APPBP2: variants seen among roughly 807,000 people sequenced by gnomAD.
APPBP2 encodes amyloid beta precursor protein binding protein 2.
In APPBP2, 15 loss-of-function variants were observed where a neutral mutation model predicts 76.0. That is an observed-to-expected ratio of 0.20 (90% confidence interval 0.13 to 0.30). The LOEUF (loss-of-function observed/expected upper bound fraction) is 0.30. Ranked by LOEUF, APPBP2 falls within the 10% of genes least tolerant of loss-of-function variation. The pLI, the probability that APPBP2 is intolerant of heterozygous loss-of-function variation, is 1.00. For missense variants in APPBP2, 401 were observed against 687.2 expected (o/e 0.58, Z 4.66); for synonymous variants, 222 against 242.2 (o/e 0.92, Z 0.77).
At chr17:60,458,826 G>A (rs1423156493) in intron 9 of APPBP2, among the ~76,000 whole-genome samples, 1 of 150,882 alleles carries the variant, frequency 6.6e-6, no homozygotes, top group Non-Finnish European at 1.5e-5. Flanking sequence ...CCACGCTGGA[G>A]TGCAGTGGTG....
At chr17:60,495,188 A>C (rs1419985498) in intron 2 of APPBP2, among the ~76,000 whole-genome samples, 1 of 151,586 alleles carries the variant, frequency 6.6e-6, no homozygotes, top group African/African-American at 2.4e-5. Flanking sequence ...GGGTCTCACC[A>C]TGTTAGCCGG....
intron 6 of APPBP2, among the ~76,000 whole-genome samples, chr17:60,463,052 A>C (rs1158489636): frequency 6.6e-6 from 1 of 152,124 alleles, no homozygotes; most frequent in Admixed American, 6.5e-5. Flanking sequence ...TAAAAACGTA[A>C]GAATATCCCT....
At chr17:60,507,222 TTTTC>T (rs1257050113) in intron 1 of APPBP2, among the ~76,000 whole-genome samples, 1 of 131,422 alleles carries the variant, frequency 7.6e-6, no homozygotes, top group Non-Finnish European at 1.5e-5. Flanking sequence ...TATTTTTCTT[TTTTC>T]TTTTTTTTTT....
chr17:60,484,904 T>C (rs912271862), intron 3 of APPBP2, among the ~76,000 whole-genome samples: 8 of 152,198 alleles, frequency 5.3e-5, no homozygotes, highest in African/African-American at 1.9e-4. Context: ...ATTCCATAAA[T>C]ACCTAATTTA....
intron 1 of APPBP2, among the ~76,000 whole-genome samples, chr17:60,512,265 G>A (rs2090920206): frequency 6.6e-6 from 1 of 151,774 alleles, no homozygotes; most frequent in Non-Finnish European, 1.5e-5. Context: ...ACCACGCCCA[G>A]CTAATTTTTT....
chr17:60,474,827 A>G (rs1475767377), intron 4 of APPBP2, among the ~76,000 whole-genome samples: 2 of 152,128 alleles, frequency 1.3e-5, no homozygotes, highest in Non-Finnish European at 2.9e-5. Flanking sequence ...TGTGAGACAT[A>G]TATTACAATA....
Position 60,446,357 on chromosome 17 carries a change from A to G in APPBP2, c.*1224T>C, listed in dbSNP as rs994402016. The G allele has an allele frequency of 6.6e-6, 1 of 152,462 alleles. No individual in the cohort carries two copies. Among genetic ancestry groups the G allele is most frequent in the African/African-American group, 2.4e-5 (1 of 41,470 alleles). 9.4% of individuals were successfully genotyped at this position (152,462 alleles called of 1,614,324 possible). Reference sequence around the variant, plus strand: ...TCAAATCAAAACCCAATAAACAGAAAGACAAGTTAGTGAAATAGGTGTATT... The same window carrying G: ...TCAAATCAAAACCCAATAAACAGAAGGACAAGTTAGTGAAATAGGTGTATT... On this transcript the variant is annotated 3_prime_UTR_variant, in exon 13 of 13. Transcript: ENST00000083182.
At chr17:60,495,540 T>C (rs1015711773) in intron 2 of APPBP2, among the ~76,000 whole-genome samples, 4 of 151,930 alleles carry the variant, frequency 2.6e-5, no homozygotes, top group African/African-American at 7.2e-5. Context: ...GGCATGATCA[T>C]AGCTCACTGT....
chr17:60,513,997 T>TAAAAAAAAA (rs35785295), intron 1 of APPBP2, among the ~76,000 whole-genome samples: 1 of 108,576 alleles, frequency 9.2e-6, no homozygotes. Context: ...TTCCCCACAT[T>TAAAAAAAAA]AAAAAAAAAA....
At chr17:60,472,154 GAAACAA>G (rs368204527) in intron 4 of APPBP2, among the ~76,000 whole-genome samples, 2,374 of 152,062 alleles carry the variant, frequency 0.016, 64 homozygotes, top group African/African-American at 0.053. Context: ...AATGAAAATG[GAAACAA>G]AAACAAAAAC....
intron 1 of APPBP2, among the ~76,000 whole-genome samples, chr17:60,518,601 G>A (rs1401837640): frequency 6.6e-6 from 1 of 151,900 alleles, no homozygotes; most frequent in Non-Finnish European, 1.5e-5. Context: ...CTGCAGCCTT[G>A]AATCTCCCAG....
chr17:60,474,810 A>G (rs2090577552), intron 4 of APPBP2, among the ~76,000 whole-genome samples: 1 of 152,064 alleles, frequency 6.6e-6, no homozygotes, highest in South Asian at 2.1e-4. Flanking sequence ...TTCCTACTCC[A>G]TTTACATGTG....
chr17:60,462,012 T>C lies in APPBP2; in HGVS notation c.812A>G (p.His271Arg). Residue 271 changes from histidine (H) to arginine (R), a missense_variant, in exon 7 of 13, where the codon CAT becomes CGT. Coordinates refer to ENST00000083182, the MANE Select transcript of APPBP2 (RefSeq NM_006380.5). ...CACCTACCGTGCCAAATACACTGCA[T>C]GTTTAATTAACTGTTCTGCCTTCTT... ...EFKKAEQLIK[H>R]AVYLARDHFG... 1.9e-6 allele frequency: 3 copies of C among 1,613,568 alleles called. No individual in the cohort carries two copies. Among genetic ancestry groups the C allele is most frequent in the Non-Finnish European group, 2.5e-6 (3 of 1,179,600 alleles).
chr17:60,514,981 T>C (rs2090950967), intron 1 of APPBP2, among the ~76,000 whole-genome samples: 1 of 152,078 alleles, frequency 6.6e-6, no homozygotes, highest in African/African-American at 2.4e-5. Flanking sequence ...TTTCTGTATG[T>C]TTAGTAGAGA....
chr17:60,509,867 A>C (rs1567940136), intron 1 of APPBP2, among the ~76,000 whole-genome samples: 1 of 152,202 alleles, frequency 6.6e-6, no homozygotes, highest in Admixed American at 6.5e-5. Context: ...TATCACATGA[A>C]AGGGGAAAGT....
chr17:60,484,859 TG>T (rs2090660412), intron 3 of APPBP2, among the ~76,000 whole-genome samples: 1 of 151,456 alleles, frequency 6.6e-6, no homozygotes, highest in Admixed American at 6.5e-5. Context: ...ATACTGGCTG[TG>T]GGTCTGTCTT....
intron 1 of APPBP2, among the ~76,000 whole-genome samples, chr17:60,516,274 A>G (rs2090962780): frequency 6.6e-6 from 1 of 152,204 alleles, no homozygotes; most frequent in Non-Finnish European, 1.5e-5. Context: ...CAAACATCCC[A>G]TTAGTTAATG....
chr17:60,461,564 T>A, intron 8 of APPBP2: 1 of 363,208 alleles, frequency 2.8e-6, no homozygotes. Flanking sequence ...AAATAAAAAA[T>A]GGAAAACTAC....
chr17:60,523,148 A>T (rs1418244696), intron 1 of APPBP2, among the ~76,000 whole-genome samples: 1 of 152,110 alleles, frequency 6.6e-6, no homozygotes, highest in Non-Finnish European at 1.5e-5. Context: ...TGCAAGAGAG[A>T]TGTAATTATG....
Sources: allele counts gnomAD v4.1 joint callset (sites outside exome capture counted in the v4.1 genomes callset), GRCh38; gene constraint gnomAD v4.1.1; transcripts MANE v1.5; gene names NCBI Gene and HGNC (gene_info 2026-07-23, HGNC 2026-07-21).